FRMPD4: variants seen among roughly 807,000 people sequenced by gnomAD.
FRMPD4 encodes the protein FERM and PDZ domain-containing protein 4.
A neutral mutation model predicts 94.1 loss-of-function variants in FRMPD4; 22 were observed. The observed-to-expected ratio is 0.23, with a 90% CI of 0.17 to 0.33. The LOEUF is 0.33. Among genes scored for constraint, FRMPD4 ranks in the 10% least tolerant of loss-of-function variants. FRMPD4 has a pLI of 1.00. For missense variants in FRMPD4, 1,111 were observed against 1,339.9 expected, an observed-to-expected ratio of 0.83 and a Z score of 2.67; for synonymous variants, 631 against 548.6, an observed-to-expected ratio of 1.15 and a Z score of -2.10.
chrX:12,160,636 T>C (rs758784716), intron 1 of FRMPD4, among the ~76,000 whole-genome samples: 31 of 111,858 alleles, frequency 2.8e-4, no homozygotes, highest in African/African-American at 9.7e-4. Flanking sequence ...CTTTAATATA[T>C]ATGAAGATTG....
At chrX:12,027,728 G>A (rs958544696) in intron 3 of FRMPD4, among the ~76,000 whole-genome samples, 7 of 112,042 alleles carry the variant, frequency 6.2e-5, no homozygotes, top group African/African-American at 2.3e-4. Context: ...CTAGTCAAAA[G>A]GAATAGTAAA....
rs769573860 is a variant in FRMPD4 at position 12,395,231 on chromosome X, G to A, written c.42-103449G>A. 5.3e-5 allele frequency among the ~76,000 whole-genome samples: 6 copies of A among 112,228 alleles called. No homozygotes were observed. In the South Asian group the frequency reaches 2.2e-3, roughly 42 times the overall value. On this transcript the variant is annotated intron_variant, in intron 1 of 16. Transcript: ENST00000675598. The stretch of plus-strand genomic sequence containing the variant: ...CAGGAGGCTTCTCTGGGGCACTGGG[G>A]AATTGTGAACTGTAAGGCAGCTAGG...
chrX:12,120,362 C>T (rs992214900), intron 3 of FRMPD4, among the ~76,000 whole-genome samples: 8 of 112,111 alleles, frequency 7.1e-5, no homozygotes, highest in South Asian at 3.7e-4. Context: ...CTAGTTATTG[C>T]GTCACAAAAT....
At chrX:12,274,983 C>T (rs1010034833) in intron 1 of FRMPD4, among the ~76,000 whole-genome samples, 12 of 111,819 alleles carry the variant, frequency 1.1e-4, no homozygotes, top group Admixed American at 6.6e-4. Flanking sequence ...CACTCCAGCC[C>T]GGGCAACAGA....
At chrX:11,995,055 T>A (rs1186635065) in intron 3 of FRMPD4, among the ~76,000 whole-genome samples, 1 of 108,526 alleles carries the variant, frequency 9.2e-6, no homozygotes, top group Non-Finnish European at 1.9e-5. Context: ...GCAACACTTC[T>A]CTTTTTTTTC....
chrX:12,233,275 A>G (rs1249212117), intron 1 of FRMPD4, among the ~76,000 whole-genome samples: 1 of 112,217 alleles, frequency 8.9e-6, no homozygotes, highest in African/African-American at 3.2e-5. Context: ...ATAGAATGCC[A>G]AGTTAAATTT....
At chrX:11,871,021 G>A (rs2053753335) in intron 2 of FRMPD4, among the ~76,000 whole-genome samples, 1 of 112,556 alleles carries the variant, frequency 8.9e-6, no homozygotes, top group Admixed American at 9.4e-5. Context: ...CATCTCTGGG[G>A]CCTGTGCTGC....
At chrX:12,658,388 G>A (rs750395742) in intron 4 of FRMPD4, among the ~76,000 whole-genome samples, 1 of 111,982 alleles carries the variant, frequency 8.9e-6, no homozygotes, top group Non-Finnish European at 1.9e-5. Flanking sequence ...ATAGAGGCAG[G>A]AAAGAAGGGA....
chrX:12,173,776 T>TGACA (rs771782127), intron 1 of FRMPD4, among the ~76,000 whole-genome samples: 7 of 111,533 alleles, frequency 6.3e-5, no homozygotes, highest in African/African-American at 2.3e-4. Flanking sequence ...GTGGCCTTGC[T>TGACA]GACAGCCTGC....
intron 1 of FRMPD4, among the ~76,000 whole-genome samples, chrX:12,309,057 C>A (rs767772201): frequency 4.2e-4 from 47 of 112,375 alleles, no homozygotes; most frequent in African/African-American, 1.5e-3. Context: ...TCAAGCTTTG[C>A]GGGCTATATA....
chrX:12,007,282 C>A (rs759730957), intron 3 of FRMPD4, among the ~76,000 whole-genome samples: 8 of 111,929 alleles, frequency 7.1e-5, no homozygotes, highest in Non-Finnish European at 1.5e-4. Flanking sequence ...GGAATTGGAT[C>A]GTTTTTAGCT....
chrX:12,607,935 G>A (rs1270805403), intron 2 of FRMPD4, among the ~76,000 whole-genome samples: 1 of 112,321 alleles, frequency 8.9e-6, no homozygotes, highest in Non-Finnish European at 1.9e-5. Flanking sequence ...TATTAATTAT[G>A]CAGAAAGACA....
chrX:12,015,013 AAAG>A (rs2054598281), intron 3 of FRMPD4, among the ~76,000 whole-genome samples: 2 of 111,645 alleles, frequency 1.8e-5, no homozygotes, highest in African/African-American at 6.5e-5. Flanking sequence ...ACAGATATAT[AAAG>A]AAGAAGAAGA....
At chrX:11,897,963 A>T (rs1157490012) in intron 3 of FRMPD4, among the ~76,000 whole-genome samples, 1 of 111,894 alleles carries the variant, frequency 8.9e-6, no homozygotes, top group African/African-American at 3.3e-5. Flanking sequence ...CCCTGAAAAG[A>T]TGACATTTGC....
chrX:12,105,020 C>T (rs2147513777), intron 3 of FRMPD4, among the ~76,000 whole-genome samples: 1 of 111,560 alleles, frequency 9.0e-6, no homozygotes, highest in East Asian at 2.8e-4. Context: ...CCTTCCATCA[C>T]TTGACAAGCA....
chrX:12,026,787 G>T (rs1461231285), intron 3 of FRMPD4, among the ~76,000 whole-genome samples: 1 of 111,721 alleles, frequency 9.0e-6, no homozygotes, highest in Admixed American at 9.4e-5. Flanking sequence ...TACCTAAGGA[G>T]GGAAAAAAAA....
intron 3 of FRMPD4, among the ~76,000 whole-genome samples, chrX:11,929,415 C>T (rs963160326): frequency 8.9e-6 from 1 of 112,311 alleles, no homozygotes; most frequent in Non-Finnish European, 1.9e-5. Flanking sequence ...GGCTCTTCTC[C>T]AGCTGTTAAT....
At chrX:11,971,517 G>A (rs2054340078) in intron 3 of FRMPD4, among the ~76,000 whole-genome samples, 1 of 112,602 alleles carries the variant, frequency 8.9e-6, no homozygotes, top group Non-Finnish European at 1.9e-5. Context: ...GCTCATAGCT[G>A]GCATTCAATA....
chrX:12,385,753 GTTTC>G (rs1390680620), intron 1 of FRMPD4, among the ~76,000 whole-genome samples: 1 of 112,293 alleles, frequency 8.9e-6, no homozygotes, highest in Non-Finnish European at 1.9e-5. Flanking sequence ...GAATCAAAGA[GTTTC>G]TAAGAATAAT....
Sources: allele counts gnomAD v4.1 joint callset (sites outside exome capture counted in the v4.1 genomes callset), GRCh38; gene constraint gnomAD v4.1.1; transcripts MANE v1.5; gene names NCBI Gene and HGNC (gene_info 2026-07-23, HGNC 2026-07-21).